GLG1: variants seen among roughly 807,000 people sequenced by gnomAD.
The protein encoded by GLG1 is golgi glycoprotein 1, also known as Golgi apparatus protein 1.
GLG1 carries 38 observed loss-of-function variants against 160.5 expected under a neutral mutation model. The ratio of observed to expected loss-of-function variants is 0.24; its 90% confidence interval spans 0.18 to 0.31. The LOEUF is 0.31. GLG1 is among the 10% of genes least tolerant of loss of function. The probability of loss-of-function intolerance (pLI) is 1.00; values close to 1 mark genes in which losing one functional copy is unlikely to be tolerated. For missense variants in GLG1, 1,373 were observed against 1,505.2 expected, an observed-to-expected ratio of 0.91 and a Z score of 1.45; for synonymous variants, 644 against 543.4, an observed-to-expected ratio of 1.19 and a Z score of -2.57.
At chr16:74,524,365 T>C (rs1324059173) in intron 2 of GLG1, among the ~76,000 whole-genome samples, 1 of 152,198 alleles carries the variant, frequency 6.6e-6, no homozygotes, top group Admixed American at 6.6e-5. Context: ...GCTGTTAATA[T>C]TTCACCATGA....
intron 15 of GLG1, 108 bp downstream of exon 15, chr16:74,471,065 A>T: frequency 1.4e-6 from 1 of 734,354 alleles, no homozygotes; most frequent in Non-Finnish European, 2.5e-6. Context: ...CTGGAAAAAA[A>T]TGACTTTTAA....
intron 2 of GLG1, among the ~76,000 whole-genome samples, chr16:74,512,131 C>T (rs1330747114): frequency 6.6e-6 from 1 of 151,176 alleles, no homozygotes; most frequent in Non-Finnish European, 1.5e-5. Flanking sequence ...CTTCTGGCAA[C>T]CATTAATCTA....
chr16:74,524,213 C>CAA (rs199523934), intron 2 of GLG1, among the ~76,000 whole-genome samples: 1 of 149,780 alleles, frequency 6.7e-6, no homozygotes, highest in African/African-American at 2.5e-5. Context: ...CATCTCAAAA[C>CAA]AAAAAAAAAG....
At chr16:74,458,073 A>T (rs750056093) in intron 23 of GLG1, 79 bp from the exon 24 acceptor site, 777 of 1,401,974 alleles carry the variant, frequency 5.5e-4, no homozygotes, top group Non-Finnish European at 7.5e-4. Context: ...TACTTCATAT[A>T]CTAATAAAAA....
At chr16:74,487,945 A>C (rs2015850234) in intron 8 of GLG1, among the ~76,000 whole-genome samples, 1 of 152,118 alleles carries the variant, frequency 6.6e-6, no homozygotes. Context: ...TGGCATGCCT[A>C]GGAAAACCTG....
At chr16:74,541,215 T>C (rs1280428851) in intron 1 of GLG1, among the ~76,000 whole-genome samples, 4 of 151,462 alleles carry the variant, frequency 2.6e-5, no homozygotes, top group Non-Finnish European at 5.9e-5. Flanking sequence ...TCCCAGCTAC[T>C]TGGGAGGCTG....
In GLG1 at chr16:74,453,066, G is replaced by C; in HGVS notation, c.*101C>G. On this transcript the variant is annotated 3_prime_UTR_variant, in exon 26 of 26. Transcript: ENST00000422840. ...TCTGCTAATGCTCTAACACGGGGTT[G>C]GTGTCACTTCTGAGAAGAGCGAGGT... 6.6e-6 allele frequency: 10 copies of C among 1,526,198 alleles called. No homozygotes were observed. Among genetic ancestry groups the C allele is most frequent in the East Asian group, 2.3e-5 (1 of 43,840 alleles). 94.5% of individuals were successfully genotyped at this position (1,526,198 alleles called of 1,614,324 possible).
intron 4 of GLG1, among the ~76,000 whole-genome samples, chr16:74,502,674 G>C (rs1007561954): frequency 6.7e-6 from 1 of 149,422 alleles, no homozygotes; most frequent in African/African-American, 2.5e-5. Context: ...CTCCCAAGTA[G>C]CTGGGACTAC....
intron 18 of GLG1, among the ~76,000 whole-genome samples, chr16:74,466,840 C>T (rs559141093): frequency 1.3e-5 from 2 of 151,928 alleles, no homozygotes; most frequent in Non-Finnish European, 2.9e-5. Flanking sequence ...AAATGTAGTA[C>T]AAAGAAATGA....
chr16:74,532,190 AAAAAT>A (rs750657010), intron 1 of GLG1, 37 bp from the exon 2 acceptor site: 66 of 638,512 alleles, frequency 1.0e-4, no homozygotes, highest in Middle Eastern at 4.2e-4. Context: ...ATGTAAAAAA[AAAAAT>A]ATATATATAT....
At chr16:74,528,238 C>T (rs1414651383) in intron 2 of GLG1, among the ~76,000 whole-genome samples, 4 of 151,874 alleles carry the variant, frequency 2.6e-5, no homozygotes, top group African/African-American at 7.3e-5. Flanking sequence ...TAGCCTCAAG[C>T]GATCTGCCTG....
rs71376213 is a variant in GLG1, at chr16:74,506,081, AT to A, written c.559-2336del. ...GCCAGGACTGTATTTCCTGGAAAAG[AT>A]TTTTTTTTTTTTTTTTTTTTGCCGA... On this transcript the variant is annotated intron_variant, in intron 3 of 25. Coordinates refer to ENST00000422840, the MANE Select transcript of GLG1 (RefSeq NM_001145667.2). Among the ~76,000 whole-genome samples, 231 of 101,922 alleles carry A rather than the reference AT, an allele frequency of 2.3e-3. 1 individual carries two copies. The highest frequency in any genetic ancestry group is 5.2e-3 in the African/African-American group (138 of 26,492). The allele number at this position is 101,922 out of a possible 152,430, so 66.9% of individuals were successfully genotyped here.
At chr16:74,593,427 G>C (rs931172628) in intron 1 of GLG1, among the ~76,000 whole-genome samples, 6 of 136,038 alleles carry the variant, frequency 4.4e-5, no homozygotes, top group African/African-American at 1.6e-4. Flanking sequence ...TGAAGTACCA[G>C]AGCTTTTTTT....
chr16:74,468,411 T>C (rs909590155), intron 17 of GLG1: 5 of 155,152 alleles, frequency 3.2e-5, no homozygotes, highest in African/African-American at 9.7e-5. Context: ...AAATTTTGTA[T>C]TTTTAGTAGA....
intron 1 of GLG1, among the ~76,000 whole-genome samples, chr16:74,595,716 C>T (rs1345320269): frequency 1.3e-5 from 2 of 152,174 alleles, no homozygotes; most frequent in African/African-American, 4.8e-5. Flanking sequence ...GTATGTGAGA[C>T]ACATACATAA....
intron 2 of GLG1, among the ~76,000 whole-genome samples, chr16:74,512,621 T>A (rs1390182318): frequency 6.7e-6 from 1 of 149,982 alleles, no homozygotes; most frequent in Non-Finnish European, 1.5e-5. Context: ...AAACGTGTAA[T>A]GAGTAACTAC....
In GLG1 at chr16:74,557,203, A is replaced by G. The variant is rs1404730678; in HGVS notation, c.439-25050T>C. On this transcript the variant is annotated intron_variant, in intron 1 of 25. Transcript: ENST00000422840. ...GACCTTTGATAAAACAGCTTTGTAA[A>G]TCCTTACCTCAAATATTACAAATGT... is the stretch of plus-strand genomic sequence containing the variant. Among the ~76,000 whole-genome samples the G allele has an allele frequency of 3.3e-5, 5 of 152,308 alleles. No individual in the cohort carries two copies. In the East Asian group the frequency reaches 7.7e-4, roughly 23 times the overall value.
In GLG1 at chr16:74,534,155, T is replaced by C. The variant is rs180971952; in HGVS notation, c.439-2002A>G. Among the ~76,000 whole-genome samples the C allele has an allele frequency of 8.0e-4, 122 of 152,234 alleles. 1 individual carries two copies. Among genetic ancestry groups the C allele is most frequent in the Non-Finnish European group, 1.3e-3 (91 of 68,010 alleles). On this transcript the variant is annotated intron_variant, in intron 1 of 25. Transcript: ENST00000422840. ...TTATATAACACAGTACTTTTGAACT[T>C]TCTCCCTACTTGTCTAATAGCAGAT... is the stretch of plus-strand genomic sequence containing the variant.
intron 13 of GLG1, among the ~76,000 whole-genome samples, chr16:74,473,958 T>C (rs2015308750): frequency 2.0e-5 from 3 of 152,008 alleles, no homozygotes. Context: ...CTGCTATTTT[T>C]TTTTTTTTTT....
Sources: allele counts gnomAD v4.1 joint callset (sites outside exome capture counted in the v4.1 genomes callset), GRCh38; gene constraint gnomAD v4.1.1; transcripts MANE v1.5; gene names NCBI Gene and HGNC (gene_info 2026-07-23, HGNC 2026-07-21).